Variants in DPP10 observed in about 807,000 individuals in gnomAD.
DPP10 encodes the protein inactive dipeptidyl peptidase 10.
DPP10 carries 33 observed loss-of-function variants against 120.9 expected under a neutral mutation model. That is an observed-to-expected ratio of 0.27 (90% confidence interval 0.21 to 0.37). DPP10 has a LOEUF of 0.37. Among genes scored for constraint, DPP10 ranks in the 10% least tolerant of loss-of-function variants. DPP10 has a pLI of 1.00. For synonymous variants in DPP10, 337 were observed against 326.1 expected, an observed-to-expected ratio of 1.03 and a Z score of -0.36; for missense variants, 816 against 942.8, an observed-to-expected ratio of 0.87 and a Z score of 1.76.
At chr2:114,613,469 A>T (rs1302531582) in intron 1 of DPP10, among the ~76,000 whole-genome samples, 1 of 152,156 alleles carries the variant, frequency 6.6e-6, no homozygotes, top group Non-Finnish European at 1.5e-5. Flanking sequence ...GAAACAACAG[A>T]TGCTGGTGAA....
intron 1 of DPP10, among the ~76,000 whole-genome samples, chr2:115,001,756 A>C (rs1454767324): frequency 6.6e-6 from 1 of 152,186 alleles, no homozygotes; most frequent in African/African-American, 2.4e-5. Context: ...CTGAGAGCCA[A>C]GTCAAGAATG....
At chr2:115,693,708 G>A (rs2091440179) in intron 7 of DPP10, among the ~76,000 whole-genome samples, 1 of 152,098 alleles carries the variant, frequency 6.6e-6, no homozygotes, top group South Asian at 2.1e-4. Flanking sequence ...TACTAAAAAT[G>A]TATAAAAATT....
At chr2:114,913,210 G>A (rs1203330297) in intron 1 of DPP10, among the ~76,000 whole-genome samples, 1 of 152,166 alleles carries the variant, frequency 6.6e-6, no homozygotes. Flanking sequence ...CCACCAGCTA[G>A]TACCCATGCA....
At chr2:114,817,470 A>C (rs1345405473) in intron 1 of DPP10, among the ~76,000 whole-genome samples, 1 of 152,206 alleles carries the variant, frequency 6.6e-6, no homozygotes, top group East Asian at 1.9e-4. Context: ...GTAGGCTAGA[A>C]GTCTTAGGGA....
chr2:115,063,884 T>A (rs2105408489), intron 1 of DPP10, among the ~76,000 whole-genome samples: 1 of 152,314 alleles, frequency 6.6e-6, no homozygotes, highest in Non-Finnish European at 1.5e-5. Flanking sequence ...GCTGTGTTTT[T>A]TTATGTATAT....
intron 3 of DPP10, among the ~76,000 whole-genome samples, chr2:115,462,099 T>C (rs557333960): frequency 6.6e-6 from 1 of 152,270 alleles, no homozygotes; most frequent in Admixed American, 6.5e-5. Flanking sequence ...ATGTTCAAAA[T>C]TGAACTCCCT....
chr2:115,474,455 T>C (rs1040487564), intron 3 of DPP10, among the ~76,000 whole-genome samples: 1 of 152,120 alleles, frequency 6.6e-6, no homozygotes, highest in Non-Finnish European at 1.5e-5. Context: ...AACGGACTAA[T>C]ACAAAAAATC....
At chr2:115,400,885 G>A (rs959691489) in intron 3 of DPP10, among the ~76,000 whole-genome samples, 6 of 152,152 alleles carry the variant, frequency 3.9e-5, no homozygotes, top group Admixed American at 3.9e-4. Context: ...CAACAGTTTC[G>A]AGGCTATGCA....
chr2:115,085,635 A>C (rs1171498213), intron 1 of DPP10, among the ~76,000 whole-genome samples: 2 of 152,192 alleles, frequency 1.3e-5, no homozygotes, highest in African/African-American at 4.8e-5. Context: ...ACATGTTAGG[A>C]AATCTCAAAG....
intron 1 of DPP10, among the ~76,000 whole-genome samples, chr2:114,993,580 GTATATA>G (rs59593945): frequency 3.5e-4 from 34 of 97,354 alleles, no homozygotes; most frequent in South Asian, 1.2e-3. Flanking sequence ...GTGTGTGTGT[GTATATA>G]TATATATATA....
intron 1 of DPP10, among the ~76,000 whole-genome samples, chr2:114,809,130 G>A (rs554045549): frequency 6.6e-6 from 1 of 152,154 alleles, no homozygotes; most frequent in African/African-American, 2.4e-5. Flanking sequence ...CAGTGCTTGG[G>A]ACTAGTGGAT....
intron 1 of DPP10, among the ~76,000 whole-genome samples, chr2:114,736,829 T>G (rs1677488308): frequency 6.6e-6 from 1 of 152,222 alleles, no homozygotes; most frequent in Non-Finnish European, 1.5e-5. Context: ...TACTCAGGCC[T>G]TAAGAGACTC....
intron 3 of DPP10, among the ~76,000 whole-genome samples, chr2:115,453,990 A>G (rs1478424457): frequency 6.6e-6 from 1 of 151,504 alleles, no homozygotes; most frequent in Non-Finnish European, 1.5e-5. Flanking sequence ...GCAAAAATGG[A>G]TAAAGTCATG....
chr2:115,596,298 AC>A (rs1210654247), intron 5 of DPP10, among the ~76,000 whole-genome samples: 2 of 152,222 alleles, frequency 1.3e-5, no homozygotes, highest in African/African-American at 4.8e-5. Flanking sequence ...CTTACCAGTA[AC>A]TTTCAAAAAC....
At chr2:115,216,340 G>A (rs1367162311) in intron 1 of DPP10, among the ~76,000 whole-genome samples, 1 of 152,098 alleles carries the variant, frequency 6.6e-6, no homozygotes, top group Admixed American at 6.6e-5. Flanking sequence ...TAGGCCACAT[G>A]TTGTTTCAGC....
At chr2:115,146,436 C>G (rs905140411) in intron 1 of DPP10, among the ~76,000 whole-genome samples, 7 of 151,944 alleles carry the variant, frequency 4.6e-5, no homozygotes, top group Admixed American at 3.9e-4. Flanking sequence ...TTTACAAAAT[C>G]CCTGTTATTT....
At chr2:115,278,147 T>C (rs2059993817) in intron 1 of DPP10, among the ~76,000 whole-genome samples, 1 of 152,198 alleles carries the variant, frequency 6.6e-6, no homozygotes, top group African/African-American at 2.4e-5. Flanking sequence ...TCCCTGTGTG[T>C]CCATGAGGAA....
intron 7 of DPP10, among the ~76,000 whole-genome samples, chr2:115,702,351 A>G (rs554501766): frequency 3.2e-4 from 49 of 152,200 alleles, no homozygotes; most frequent in African/African-American, 1.1e-3. Flanking sequence ...ATTCCTAGGT[A>G]TATGCCTAAA....
At chr2:115,371,831 TA>T (rs1351088940) in intron 3 of DPP10, among the ~76,000 whole-genome samples, 3 of 152,076 alleles carry the variant, frequency 2.0e-5, no homozygotes, top group Admixed American at 6.6e-5. Context: ...AAAGAATATC[TA>T]AAAAAACAGA....
Sources: allele counts gnomAD v4.1 joint callset (sites outside exome capture counted in the v4.1 genomes callset), GRCh38; gene constraint gnomAD v4.1.1; transcripts MANE v1.5; gene names NCBI Gene and HGNC (gene_info 2026-07-23, HGNC 2026-07-21).